Variants in PTPRN2 observed in about 807,000 individuals in gnomAD.
The protein encoded by PTPRN2 is protein tyrosine phosphatase receptor type N2, also known as receptor-type tyrosine-protein phosphatase N2.
Under a neutral mutation model 118.8 loss-of-function variants are expected in PTPRN2, and 74 were observed. The ratio of observed to expected loss-of-function variants is 0.62; its 90% CI spans 0.52 to 0.76. The LOEUF is 0.76. Ranked by LOEUF, PTPRN2 falls within the 30% of genes least tolerant of loss-of-function variation. PTPRN2 has a pLI of 0.00. For synonymous variants in PTPRN2, 641 were observed against 608.0 expected, an observed-to-expected ratio of 1.05 and a Z score of -0.80; for missense variants, 1,481 against 1,394.4, an observed-to-expected ratio of 1.06 and a Z score of -0.99.
rs372525485 is a variant in PTPRN2 at position 158,256,605 on chromosome 7, G to A, written c.278-51332C>T. Among the ~76,000 whole-genome samples the A allele has an allele frequency of 8.5e-5, 13 of 152,204 alleles. 1 individual carries two copies. The South Asian group carries it at 2.3e-3, about 27-fold the overall frequency. On this transcript the variant is annotated intron_variant, in intron 3 of 22. Transcript: ENST00000389418. ...GCGGGGGGGAACCTAGGCAGCTCCC[G>A]TGAGGACAAGTGATGACGGCAGAGA... is the stretch of plus-strand genomic sequence containing the variant.
At chr7:158,280,355 G>A (rs1209296459) in intron 3 of PTPRN2, among the ~76,000 whole-genome samples, 1 of 152,200 alleles carries the variant, frequency 6.6e-6, no homozygotes, top group Non-Finnish European at 1.5e-5. Flanking sequence ...CCTGCCTGGG[G>A]GTCGGTAAGG....
rs1279884343 is a variant in PTPRN2 at position 158,146,940 on chromosome 7, G to C, written c.911-8425C>G. On this transcript the variant is annotated intron_variant, in intron 6 of 22. Transcript: ENST00000389418. ...AATGACACCCCATCTCACGCCACGT[G>C]TCTTTCCCCCTCAATGACACCCCAT... 1.2e-4 allele frequency among the ~76,000 whole-genome samples: 18 copies of C among 149,196 alleles called. 1 individual carries two copies. The highest frequency in any genetic ancestry group is 3.7e-4 in the African/African-American group (15 of 40,332).
chr7:158,245,507 G>A (rs1344383816), intron 3 of PTPRN2, among the ~76,000 whole-genome samples: 2 of 151,826 alleles, frequency 1.3e-5, no homozygotes, highest in African/African-American at 2.4e-5. Context: ...GCCCTGGCCT[G>A]AGTCAAACCA....
At position 157,840,486 on chromosome 7, in the gene PTPRN2, G is replaced by A. The variant is rs374752450; in HGVS notation, c.1788+58187C>T. ...TGACTGTGTGGCCACGTGTGACTGT[G>A]TGACTGTGTGACTGTGTGGAGTGTG... On this transcript the variant is annotated intron_variant, in intron 12 of 22. Coordinates refer to ENST00000389418, the MANE Select transcript of PTPRN2 (RefSeq NM_002847.5). Among the ~76,000 whole-genome samples the A allele has an allele frequency of 2.5e-4, 38 of 152,302 alleles. No individual in the cohort carries two copies. The East Asian group carries it at 6.9e-3, about 28-fold the overall frequency.
intron 11 of PTPRN2, among the ~76,000 whole-genome samples, chr7:158,071,526 A>T (rs115685233): frequency 1.6e-5 from 1 of 63,382 alleles, no homozygotes; most frequent in East Asian, 5.1e-4. Flanking sequence ...GGTGGTGGAG[A>T]TGCTCGTGAT....
At chr7:158,319,527 T>TCA (rs137902491) in intron 2 of PTPRN2, among the ~76,000 whole-genome samples, 29,189 of 34,800 alleles carry the variant, frequency 0.84, 12,879 homozygotes, top group African/African-American at 0.87. Flanking sequence ...ACAGCCTCCC[T>TCA]CACACACACA....
intron 11 of PTPRN2, among the ~76,000 whole-genome samples, chr7:157,914,717 T>C (rs116304689): frequency 6.6e-6 from 1 of 152,202 alleles, no homozygotes; most frequent in African/African-American, 2.4e-5. Context: ...TGTGTAAGAG[T>C]TGCCTAATCT....
At position 158,505,713 on chromosome 7, in the gene PTPRN2, G is replaced by A. The variant is rs570936820; in HGVS notation, c.113-15928C>T. 5.8e-5 allele frequency among the ~76,000 whole-genome samples: 8 copies of A among 139,076 alleles called. No homozygotes were observed. In the South Asian group the frequency reaches 1.9e-3, roughly 33 times the overall value. The allele number at this position is 139,076 out of a possible 152,430, so 91.2% of individuals were successfully genotyped here. On this transcript the variant is annotated intron_variant, in intron 1 of 22. Coordinates refer to ENST00000389418, the MANE Select transcript of PTPRN2 (RefSeq NM_002847.5). Reference sequence around the variant, plus strand: ...GAGTGTGAAGTAGGAGGGAACGGAGGAGCCGGGGTGGGAGGGGGGTGGGGT... The same window carrying A: ...GAGTGTGAAGTAGGAGGGAACGGAGAAGCCGGGGTGGGAGGGGGGTGGGGT...
chr7:158,073,591 TC>T (rs751465993), intron 11 of PTPRN2, among the ~76,000 whole-genome samples: 35 of 151,218 alleles, frequency 2.3e-4, no homozygotes, highest in Non-Finnish European at 4.9e-4. Context: ...TGAAGCCGCT[TC>T]CTACTAAGGT....
intron 1 of PTPRN2, among the ~76,000 whole-genome samples, chr7:158,504,912 A>C (rs1359029251): frequency 6.6e-6 from 1 of 152,258 alleles, no homozygotes; most frequent in Non-Finnish European, 1.5e-5. Flanking sequence ...CATAAAAAGA[A>C]TTCTAGATAT....
intron 11 of PTPRN2, among the ~76,000 whole-genome samples, chr7:158,019,916 C>T (rs1806743157): frequency 1.3e-5 from 2 of 152,270 alleles, no homozygotes; most frequent in South Asian, 4.1e-4. Flanking sequence ...TTACCAGTCC[C>T]TCAGCTTCGC....
chr7:157,900,713 G>T (rs1261274414), intron 11 of PTPRN2, among the ~76,000 whole-genome samples: 2 of 152,172 alleles, frequency 1.3e-5, no homozygotes, highest in African/African-American at 4.8e-5. Flanking sequence ...GTGCTCAGGG[G>T]CACCCCCTCC....
At chr7:158,086,349 A>G (rs1423714468) in intron 10 of PTPRN2, among the ~76,000 whole-genome samples, 1 of 152,192 alleles carries the variant, frequency 6.6e-6, no homozygotes, top group Non-Finnish European at 1.5e-5. Flanking sequence ...ACCACTCCAC[A>G]CAGCTCCATG....
chr7:158,377,952 TG>T (rs1054883184), intron 2 of PTPRN2, among the ~76,000 whole-genome samples: 16 of 152,162 alleles, frequency 1.1e-4, no homozygotes, highest in Admixed American at 3.3e-4. Context: ...AAGAGCTCTG[TG>T]TGGTCCAGAT....
At chr7:157,662,077 C>A (rs184689795) in intron 13 of PTPRN2, among the ~76,000 whole-genome samples, 4 of 152,232 alleles carry the variant, frequency 2.6e-5, no homozygotes, top group African/African-American at 9.6e-5. Context: ...CTCATAGCAC[C>A]TGCAGTCAGA....
At chr7:158,099,952 C>A (rs1343968304) in intron 10 of PTPRN2, among the ~76,000 whole-genome samples, 1 of 148,970 alleles carries the variant, frequency 6.7e-6, no homozygotes, top group African/African-American at 2.5e-5. Context: ...TTTTATTTTC[C>A]ATAGGTTTTG....
At chr7:157,755,977 C>T (rs1801756245) in intron 12 of PTPRN2, among the ~76,000 whole-genome samples, 1 of 152,326 alleles carries the variant, frequency 6.6e-6, no homozygotes, top group Non-Finnish European at 1.5e-5. Context: ...CAGGGCTGGG[C>T]GGGGCTGGCA....
chr7:158,054,791 G>A (rs1809653573), intron 11 of PTPRN2, among the ~76,000 whole-genome samples: 1 of 152,244 alleles, frequency 6.6e-6, no homozygotes, highest in South Asian at 2.1e-4. Context: ...TGCAGCTGAT[G>A]TGCCTGGGGG....
intron 3 of PTPRN2, among the ~76,000 whole-genome samples, chr7:158,305,846 A>G (rs1196593537): frequency 6.6e-6 from 1 of 152,176 alleles, no homozygotes; most frequent in Non-Finnish European, 1.5e-5. Flanking sequence ...AATCTCAGCA[A>G]GAACAGCGAA....
Sources: gnomAD v4.1 joint callset for allele counts (sites outside exome capture counted in the v4.1 genomes callset) on GRCh38, gnomAD v4.1.1 for gene constraint, MANE v1.5 for transcripts, NCBI Gene and HGNC (gene_info 2026-07-23, HGNC 2026-07-21) for gene names.